The following PRKG1 variants were observed in gnomAD, a reference collection of about 807,000 sequenced individuals.
PRKG1 encodes protein kinase cGMP-dependent 1.
In PRKG1, 35 loss-of-function variants were observed where a neutral mutation model predicts 88.1. The ratio of observed to expected loss-of-function variants is 0.40; its 90% CI spans 0.30 to 0.53. The LOEUF (loss-of-function observed/expected upper bound fraction) is 0.53, where lower values mean the gene tolerates loss of function less well. Among genes scored for constraint, PRKG1 ranks in the 20% least tolerant of loss-of-function variants. PRKG1 has a pLI of 0.59. For synonymous variants in PRKG1, 303 were observed against 292.5 expected, an observed-to-expected ratio of 1.04 and a Z score of -0.37; for missense variants, 540 against 839.8, an observed-to-expected ratio of 0.64 and a Z score of 4.41.
At chr10:51,297,836 A>G (rs1840761368) in intron 2 of PRKG1, among the ~76,000 whole-genome samples, 1 of 152,112 alleles carries the variant, frequency 6.6e-6, no homozygotes, top group African/African-American at 2.4e-5. Flanking sequence ...TGATTACGAT[A>G]ATGCCTCCCA....
At chr10:51,198,626 A>G (rs1300009701) in intron 2 of PRKG1, among the ~76,000 whole-genome samples, 5 of 152,250 alleles carry the variant, frequency 3.3e-5, no homozygotes, top group African/African-American at 9.6e-5. Flanking sequence ...GGAAGACTCT[A>G]TAACATACAC....
At chr10:51,074,977 G>T in intron 1 of PRKG1, 76 bp downstream of exon 1, 1 of 1,460,924 alleles carries the variant, frequency 6.8e-7, no homozygotes, top group Non-Finnish European at 9.1e-7. Context: ...TTGTCTGTCG[G>T]CCCCCGCCCC....
chr10:51,524,402 T>A (rs566446380), intron 3 of PRKG1, among the ~76,000 whole-genome samples: 1 of 152,178 alleles, frequency 6.6e-6, no homozygotes, highest in Non-Finnish European at 1.5e-5. Context: ...TAGTCTCTGT[T>A]GGAACTATTC....
intron 5 of PRKG1, among the ~76,000 whole-genome samples, chr10:51,944,201 G>A (rs1399830264): frequency 6.6e-6 from 1 of 151,990 alleles, no homozygotes; most frequent in Non-Finnish European, 1.5e-5. Flanking sequence ...AGGTGTTGAG[G>A]AATTTATCCA....
At chr10:52,111,989 G>A (rs1163336102) in intron 7 of PRKG1, among the ~76,000 whole-genome samples, 1 of 152,102 alleles carries the variant, frequency 6.6e-6, no homozygotes, top group Non-Finnish European at 1.5e-5. Context: ...TCTATTCTCT[G>A]CCTGCTGAAG....
At chr10:51,813,993 CTGTACA>C (rs1839522159) in intron 4 of PRKG1, among the ~76,000 whole-genome samples, 1 of 152,156 alleles carries the variant, frequency 6.6e-6, no homozygotes, top group Non-Finnish European at 1.5e-5. Context: ...AACCCACCAC[CTGTACA>C]TAAGCAGACA....
At chr10:51,876,342 T>A (rs1433589516) in intron 4 of PRKG1, among the ~76,000 whole-genome samples, 1 of 152,216 alleles carries the variant, frequency 6.6e-6, no homozygotes, top group African/African-American at 2.4e-5. Flanking sequence ...TTTATGGACC[T>A]TTCTGTTTCT....
intron 3 of PRKG1, among the ~76,000 whole-genome samples, chr10:51,649,707 A>T (rs1839994102): frequency 6.6e-6 from 1 of 152,006 alleles, no homozygotes. Context: ...ACGAAAACAC[A>T]CTCTATAGTG....
Position 52,230,067 on chromosome 10 carries a change from A to C in PRKG1, c.1077-21503A>C, listed in dbSNP as rs185352110. ...TACAGCAAAGTACAAAGAGTTAACA[A>C]AGTTTACCAGGACCAACATAAAAAC... On this transcript the variant is annotated intron_variant, in intron 9 of 17. Coordinates refer to ENST00000373980, the MANE Select transcript of PRKG1 (RefSeq NM_006258.4). Among the ~76,000 whole-genome samples the C allele has an allele frequency of 3.2e-3, 495 of 152,330 alleles. 2 individuals are homozygous for C. Among genetic ancestry groups the C allele is most frequent in the African/African-American group, 0.011 (461 of 41,568 alleles).
chr10:51,036,181 G>GT (rs1564577450), intron 1 of PRKG1, among the ~76,000 whole-genome samples: 1 of 152,000 alleles, frequency 6.6e-6, no homozygotes, highest in African/African-American at 2.4e-5. Flanking sequence ...ATGTCATTAG[G>GT]TTTTTCTGTT....
intron 6 of PRKG1, among the ~76,000 whole-genome samples, chr10:52,061,783 A>G (rs1846241634): frequency 6.6e-6 from 1 of 152,114 alleles, no homozygotes; most frequent in African/African-American, 2.4e-5. Context: ...AATCCTACCA[A>G]ATGAAGCATG....
intron 5 of PRKG1, among the ~76,000 whole-genome samples, chr10:51,925,433 T>C (rs1306250996): frequency 6.6e-6 from 1 of 152,106 alleles, no homozygotes; most frequent in African/African-American, 2.4e-5. Flanking sequence ...ATTTCTTCTA[T>C]ATTCCTGTGT....
At position 51,845,752 on chromosome 10, in the gene PRKG1, A is replaced by G. The variant is rs79799525; in HGVS notation, c.698+41062A>G. Reference sequence around the variant, plus strand: ...AAGATTAATTCTCTACCACATGTGTAAACTAGCTTTTTTTGGCAAAGGGTT... The same window carrying G: ...AAGATTAATTCTCTACCACATGTGTGAACTAGCTTTTTTTGGCAAAGGGTT... On this transcript the variant is annotated intron_variant, in intron 4 of 17. Transcript: ENST00000373980. Among the ~76,000 whole-genome samples the G allele has an allele frequency of 8.2e-3, 1,254 of 152,192 alleles. 12 individuals carry two copies. Among genetic ancestry groups the G allele is most frequent in the Middle Eastern group, 0.024 (7 of 294 alleles).
chr10:51,769,536 T>G lies in PRKG1; in HGVS notation c.593-35049T>G, dbSNP rs145785147. 9.7e-4 allele frequency among the ~76,000 whole-genome samples: 148 copies of G among 152,344 alleles called. 2 individuals are homozygous for G. Among genetic ancestry groups the G allele is most frequent in the African/African-American group, 3.0e-3 (124 of 41,590 alleles). On this transcript the variant is annotated intron_variant, in intron 3 of 17. Transcript: ENST00000373980. ...ATTCCACATATGAAATATTCTTCAG[T>G]ATCCATGTACTGTTGCTTTGACCCA...
At chr10:52,018,861 C>T (rs12251744) in intron 5 of PRKG1, among the ~76,000 whole-genome samples, 2,240 of 152,202 alleles carry the variant, frequency 0.015, 63 homozygotes, top group African/African-American at 0.051. Flanking sequence ...GGAATTTGGT[C>T]AATGTGATTA....
At chr10:52,212,964 C>T (rs1020336153) in intron 9 of PRKG1, among the ~76,000 whole-genome samples, 1 of 152,106 alleles carries the variant, frequency 6.6e-6, no homozygotes, top group African/African-American at 2.4e-5. Context: ...TGGGAAAGTT[C>T]AGCAACTCTC....
chr10:51,456,219 C>T (rs538797228), intron 2 of PRKG1, among the ~76,000 whole-genome samples: 19 of 152,230 alleles, frequency 1.2e-4, no homozygotes, highest in South Asian at 8.3e-4. Context: ...ACCGGGAGAA[C>T]AGTATGGGGG....
intron 1 of PRKG1, among the ~76,000 whole-genome samples, chr10:51,096,563 G>A (rs771155278): frequency 1.3e-5 from 2 of 152,068 alleles, no homozygotes; most frequent in African/African-American, 2.4e-5. Context: ...ATAGTATACC[G>A]GGTAAGAGCA....
At chr10:51,739,351 T>C (rs1448130464) in intron 3 of PRKG1, among the ~76,000 whole-genome samples, 3 of 152,164 alleles carry the variant, frequency 2.0e-5, no homozygotes, top group East Asian at 1.9e-4. Flanking sequence ...AACCTAACAG[T>C]ATTTACTGTT....
Sources: allele counts gnomAD v4.1 joint callset (sites outside exome capture counted in the v4.1 genomes callset), GRCh38; gene constraint gnomAD v4.1.1; transcripts MANE v1.5; gene names NCBI Gene and HGNC (gene_info 2026-07-23, HGNC 2026-07-21).